PATJ: variants seen among roughly 807,000 people sequenced by gnomAD.
The protein encoded by PATJ is PATJ crumbs cell polarity complex component.
In PATJ, 190 loss-of-function variants were observed where a neutral mutation model predicts 224.9. The ratio of observed to expected loss-of-function variants is 0.84; its 90% CI spans 0.75 to 0.95. The LOEUF (loss-of-function observed/expected upper bound fraction) is 0.95. Ranked by LOEUF, PATJ falls within the 40% of genes least tolerant of loss-of-function variation. The pLI is 0.00. For missense variants in PATJ, 2,121 were observed against 2,270.3 expected, an observed-to-expected ratio of 0.93 and a Z score of 1.34; for synonymous variants, 769 against 820.3, an observed-to-expected ratio of 0.94 and a Z score of 1.07.
chr1:61,816,636 T>A (rs1044428078), intron 14 of PATJ: 1 of 152,166 alleles, frequency 6.6e-6, no homozygotes, highest in African/African-American at 2.4e-5. Flanking sequence ...AGATAATATA[T>A]GGGCAAGACG....
At chr1:62,057,748 G>T (rs1654791692) in intron 31 of PATJ, among the ~76,000 whole-genome samples, 1 of 152,170 alleles carries the variant, frequency 6.6e-6, no homozygotes, top group Non-Finnish European at 1.5e-5. Context: ...GTTCTTTAAA[G>T]CTTTCCTCTG....
intron 14 of PATJ, among the ~76,000 whole-genome samples, chr1:61,814,723 G>A (rs189905552): frequency 3.9e-5 from 6 of 152,022 alleles, no homozygotes; most frequent in South Asian, 2.1e-4. Context: ...GGAAATTTGC[G>A]TCCTAATTCA....
intron 29 of PATJ, among the ~76,000 whole-genome samples, chr1:62,037,555 A>G (rs1435250484): frequency 2.0e-5 from 3 of 152,170 alleles, no homozygotes; most frequent in Admixed American, 1.3e-4. Context: ...AAGCCAAGTG[A>G]GGAGGCTGGG....
intron 41 of PATJ, among the ~76,000 whole-genome samples, chr1:62,144,387 A>G (rs1236900046): frequency 2.6e-5 from 4 of 152,110 alleles, no homozygotes; most frequent in Non-Finnish European, 4.4e-5. Flanking sequence ...GCTCTACTTA[A>G]CAGATGAAGC....
At chr1:61,882,753 T>A (rs1363486132) in intron 21 of PATJ, among the ~76,000 whole-genome samples, 1 of 152,164 alleles carries the variant, frequency 6.6e-6, no homozygotes, top group African/African-American at 2.4e-5. Flanking sequence ...GCCTGGCTAA[T>A]GGAGTTTCAC....
At chr1:61,791,680 T>G (rs149485030) in intron 9 of PATJ, among the ~76,000 whole-genome samples, 1 of 152,310 alleles carries the variant, frequency 6.6e-6, no homozygotes, top group African/African-American at 2.4e-5. Context: ...GCTTAGTGTA[T>G]AATATTTGAA....
intron 23 of PATJ, 76 bp downstream of exon 23, chr1:61,899,730 T>A (rs1164309908): frequency 4.2e-6 from 4 of 958,100 alleles, no homozygotes; most frequent in Non-Finnish European, 4.8e-6. Flanking sequence ...TAACAGAACA[T>A]TATTTAGTCC....
chr1:62,038,745 G>T, intron 30 of PATJ: 8 of 415,954 alleles, frequency 1.9e-5, no homozygotes, highest in Non-Finnish European at 3.2e-5. Flanking sequence ...GCTATATATA[G>T]TGTCCCTTTT....
At position 61,900,783 on chromosome 1, in the gene PATJ, G is replaced by A. The variant is rs568292102; in HGVS notation, c.3204-499G>A. Among the ~76,000 whole-genome samples the A allele has an allele frequency of 9.7e-4, 147 of 152,190 alleles. 1 individual carries two copies. The highest frequency in any genetic ancestry group is 8.3e-4 in the South Asian group (4 of 4,816). On this transcript the variant is annotated intron_variant, in intron 23 of 43. Coordinates refer to ENST00000642238, the MANE Select transcript of PATJ (RefSeq NM_001350145.3). ...TTTTTGTATTTTTAGTAGAGACGGG[G>A]TTTCACCATGTTAGCCAGGATGGTC...
chr1:61,910,945 G>A (rs892980360), intron 25 of PATJ, among the ~76,000 whole-genome samples: 1 of 152,110 alleles, frequency 6.6e-6, no homozygotes, highest in Admixed American at 6.6e-5. Context: ...ATTATTGCAA[G>A]TAGTACTGAT....
At position 62,162,930 on chromosome 1, in the gene PATJ, G is replaced by A. The variant is rs544183174; in HGVS notation, c.*1876G>A. On this transcript the variant is annotated 3_prime_UTR_variant, in exon 44 of 44. Transcript: ENST00000642238. ...CCACTCCACTCCAGCCTGGGTGACA[G>A]AGCAAGACTCTGTCTCGAAAAAGAA... The A allele has an allele frequency of 5.0e-6, 2 of 401,516 alleles. No homozygotes were observed. The highest frequency in any genetic ancestry group is 9.8e-6 in the Non-Finnish European group (2 of 203,622). 24.9% of individuals were successfully genotyped at this position (401,516 alleles called of 1,614,324 possible). A position where few individuals can be genotyped will look rare whatever the true frequency, so the allele number is the denominator to read the frequency against.
At chr1:62,008,145 C>T (rs1037125119) in intron 28 of PATJ, among the ~76,000 whole-genome samples, 3 of 152,100 alleles carry the variant, frequency 2.0e-5, no homozygotes, top group African/African-American at 4.8e-5. Context: ...ATTTAAAACC[C>T]CCTAAAGAGA....
At chr1:61,786,107 C>A (rs140433548) in intron 7 of PATJ, among the ~76,000 whole-genome samples, 1 of 152,190 alleles carries the variant, frequency 6.6e-6, no homozygotes, top group Non-Finnish European at 1.5e-5. Flanking sequence ...CCGCAACCTC[C>A]GCCTCCCAGG....
chr1:61,937,767 C>A (rs1177718951), intron 27 of PATJ, among the ~76,000 whole-genome samples: 1 of 151,642 alleles, frequency 6.6e-6, no homozygotes, highest in Non-Finnish European at 1.5e-5. Context: ...TCTCCTGCCT[C>A]AGCCTCCCAA....
chr1:61,753,045 A>G (rs1017940843), intron 1 of PATJ, among the ~76,000 whole-genome samples: 1 of 152,170 alleles, frequency 6.6e-6, no homozygotes, highest in Non-Finnish European at 1.5e-5. Flanking sequence ...TACCTCATAA[A>G]TGCTGAGCTT....
intron 30 of PATJ, among the ~76,000 whole-genome samples, chr1:62,047,906 G>T (rs1296198101): frequency 6.6e-6 from 1 of 152,028 alleles, no homozygotes; most frequent in African/African-American, 2.4e-5. Context: ...GAAAATCCAT[G>T]GTCTATTAAC....
chr1:61,745,044 G>T, intron 1 of PATJ, among the ~76,000 whole-genome samples: 1 of 152,154 alleles, frequency 6.6e-6, no homozygotes, highest in Non-Finnish European at 1.5e-5. Flanking sequence ...CATGTGTTCA[G>T]ATATTGAGAA....
At position 62,029,412 on chromosome 1, in the gene PATJ, T is replaced by C. The variant is rs183343560; in HGVS notation, c.3960-8565T>C. On this transcript the variant is annotated intron_variant, in intron 29 of 43. Transcript: ENST00000642238. ...CTCCTCATGACCACTAATTTTTCTT[T>C]TGGCAACAATTTACAGTGTTCTTTT... is the stretch of plus-strand genomic sequence containing the variant. Among the ~76,000 whole-genome samples, 7 of 152,334 alleles carry C rather than the reference T, an allele frequency of 4.6e-5. No homozygotes were observed. In the East Asian group the frequency reaches 1.3e-3, roughly 29 times the overall value.
intron 31 of PATJ, among the ~76,000 whole-genome samples, chr1:62,060,399 C>T (rs1380772062): frequency 1.3e-5 from 2 of 152,092 alleles, no homozygotes; most frequent in African/African-American, 2.4e-5. Flanking sequence ...CAAGGTCTTG[C>T]TCTGTCACCC....
Sources: gnomAD v4.1 joint callset for allele counts (sites outside exome capture counted in the v4.1 genomes callset) on GRCh38, gnomAD v4.1.1 for gene constraint, MANE v1.5 for transcripts, NCBI Gene and HGNC (gene_info 2026-07-23, HGNC 2026-07-21) for gene names.